Variants in RLF observed in about 807,000 individuals in gnomAD.
The protein encoded by RLF is RLF zinc finger.
Under a neutral mutation model 162.9 loss-of-function variants are expected in RLF, and 7 were observed. The observed-to-expected ratio is 0.04, with a 90% confidence interval of 0.02 to 0.08. RLF has a LOEUF of 0.08. Ranked by LOEUF, RLF falls within the 10% of genes least tolerant of loss-of-function variation. RLF has a pLI of 1.00. For synonymous variants in RLF, 782 were observed against 791.5 expected (o/e 0.99, Z 0.20); for missense variants, 1,664 against 2,244.7 (o/e 0.74, Z 5.23).
At chr1:40,230,453 A>T (rs1643138244) in intron 6 of RLF, among the ~76,000 whole-genome samples, 2 of 151,976 alleles carry the variant, frequency 1.3e-5, no homozygotes, top group Non-Finnish European at 1.5e-5. Flanking sequence ...TTTTTTTGAG[A>T]TGGAGTCTTG....
intron 5 of RLF, among the ~76,000 whole-genome samples, chr1:40,212,068 T>TA (rs1363890882): frequency 6.6e-6 from 1 of 152,266 alleles, no homozygotes; most frequent in African/African-American, 2.4e-5. Context: ...GCATACGTTC[T>TA]AAAGTAGCAG....
At chr1:40,178,739 G>A (rs1642366522) in intron 1 of RLF, among the ~76,000 whole-genome samples, 1 of 149,954 alleles carries the variant, frequency 6.7e-6, no homozygotes, top group Non-Finnish European at 1.5e-5. Flanking sequence ...GCCCAGGCTG[G>A]TCTCAAACTC....
At chr1:40,174,197 C>T (rs1013328052) in intron 1 of RLF, among the ~76,000 whole-genome samples, 1 of 151,948 alleles carries the variant, frequency 6.6e-6, no homozygotes, top group East Asian at 1.9e-4. Context: ...ATGGTAAAAC[C>T]CTGTCTCTAC....
At position 40,190,833 on chromosome 1, in the gene RLF, C is replaced by T. The variant is rs778455045; in HGVS notation, c.454C>T (p.Pro152Ser). The change falls in exon 3 of 8, where the codon CCA (proline) becomes TCA (serine). Residue 152 changes from proline (P) to serine (S), a missense_variant. Physicochemically the swap from Pro to Ser is moderately conservative, Grantham distance 74. Coordinates refer to ENST00000372771, the MANE Select transcript of RLF (RefSeq NM_012421.4). ...ESELPCEVWL[P>S]FLQSLQESHD... ...TGAACTGCCATGTGAAGTCTGGCTA[C>T]CATTCCTTCAGTCTCTACAGGTGAG... 2 of 1,612,714 alleles carry T rather than the reference C, an allele frequency of 1.2e-6. No individual in the cohort carries two copies. The highest frequency in any genetic ancestry group is 1.7e-5 in the Admixed American group (1 of 59,928).
chr1:40,168,989 G>A (rs1385588509), intron 1 of RLF, among the ~76,000 whole-genome samples: 1 of 151,716 alleles, frequency 6.6e-6, no homozygotes, highest in African/African-American at 2.4e-5. Flanking sequence ...GCAAAACTCC[G>A]TCTCAAAAAA....
chr1:40,217,011 T>C (rs1301746008), intron 5 of RLF, among the ~76,000 whole-genome samples: 1 of 152,180 alleles, frequency 6.6e-6, no homozygotes. Flanking sequence ...ATCGTGCCAC[T>C]GCACTCCAAC....
chr1:40,184,280 G>A (rs1265213815), intron 1 of RLF, among the ~76,000 whole-genome samples: 1 of 152,140 alleles, frequency 6.6e-6, no homozygotes, highest in Non-Finnish European at 1.5e-5. Flanking sequence ...AGACATACGT[G>A]ATTATAACAC....
chr1:40,201,744 A>G (rs976080148), intron 4 of RLF, among the ~76,000 whole-genome samples: 2 of 152,012 alleles, frequency 1.3e-5, no homozygotes, highest in Non-Finnish European at 2.9e-5. Context: ...TGAAGCTTTC[A>G]GAGTAGCATT....
intron 1 of RLF, among the ~76,000 whole-genome samples, chr1:40,182,498 G>A (rs965570092): frequency 3.3e-5 from 5 of 152,112 alleles, no homozygotes; most frequent in Admixed American, 6.6e-5. Flanking sequence ...GTTAATAGTG[G>A]TCTGTTTCTG....
At chr1:40,221,209 C>G (rs185113264) in intron 5 of RLF, among the ~76,000 whole-genome samples, 39 of 151,362 alleles carry the variant, frequency 2.6e-4, no homozygotes, top group African/African-American at 9.0e-4. Context: ...AATAAATAGC[C>G]CAATTTAAAC....
At chr1:40,217,818 C>G (rs1388761982) in intron 5 of RLF, among the ~76,000 whole-genome samples, 2 of 152,008 alleles carry the variant, frequency 1.3e-5, no homozygotes, top group African/African-American at 4.8e-5. Flanking sequence ...ACTTAAGTCA[C>G]AACATAGCAT....
chr1:40,182,449 A>T (rs79091686), intron 1 of RLF, among the ~76,000 whole-genome samples: 7,886 of 152,060 alleles, frequency 0.052, 587 homozygotes, highest in African/African-American at 0.17. Flanking sequence ...AAAAGAAAAG[A>T]AAAGTAAAGG....
chr1:40,227,621 T>A (rs1643095075), intron 6 of RLF, among the ~76,000 whole-genome samples: 1 of 152,218 alleles, frequency 6.6e-6, no homozygotes, highest in Admixed American at 6.5e-5. Context: ...CCATTTTTGA[T>A]CATGCTTATT....
intron 1 of RLF, chr1:40,177,716 T>TA (rs1642346597): frequency 6.6e-6 from 1 of 152,176 alleles, no homozygotes; most frequent in African/African-American, 2.4e-5. Context: ...GGAGATTGTA[T>TA]AGTTTTAGGT....
intron 6 of RLF, among the ~76,000 whole-genome samples, chr1:40,227,279 A>G (rs1643090008): frequency 6.6e-6 from 1 of 152,222 alleles, no homozygotes; most frequent in Admixed American, 6.5e-5. Flanking sequence ...GGTACAGTAC[A>G]TCATCTGAAC....
At position 40,239,019 on chromosome 1, in the gene RLF, T is replaced by C. The variant is rs770272626; in HGVS notation, c.4317T>C (p.His1439=). The C allele has an allele frequency of 1.2e-6, 2 of 1,614,212 alleles. No homozygotes were observed. The stretch of plus-strand genomic sequence containing the variant: ...AGCATAATATTGAAGGGGAAATACA[T>C]TCAGATTATGAAATTCATTGTGATC... ...MEQHNIEGEI[H]SDYEIHCDLN... The change falls in exon 8 of 8, where the codon CAT becomes CAC. Residue 1439 remains histidine, a synonymous_variant. Transcript: ENST00000372771.
chr1:40,163,420 G>A (rs903705195), intron 1 of RLF, among the ~76,000 whole-genome samples: 1 of 152,192 alleles, frequency 6.6e-6, no homozygotes, highest in African/African-American at 2.4e-5. Flanking sequence ...AATGTAACCA[G>A]TCACATTGAA....
At chr1:40,170,107 T>G (rs1441211244) in intron 1 of RLF, among the ~76,000 whole-genome samples, 1 of 152,172 alleles carries the variant, frequency 6.6e-6, no homozygotes, top group Non-Finnish European at 1.5e-5. Context: ...TTCTAAAGCC[T>G]TTATCAGCTC....
chr1:40,238,935 G>A lies in RLF; in HGVS notation c.4233G>A (p.Gln1411=). 1.2e-6 allele frequency: 2 copies of A among 1,614,192 alleles called. No individual in the cohort carries two copies. Among genetic ancestry groups the A allele is most frequent in the Non-Finnish European group, 1.7e-6 (2 of 1,180,024 alleles). ...CTGCAGCAAGGTTTTCTTGTAACCAGCCTCAGTGCCCTGCTGTTTTTTATA... is the reference window on the plus strand; with the variant it reads ...CTGCAGCAAGGTTTTCTTGTAACCAACCTCAGTGCCCTGCTGTTTTTTATA... ...AGSAARFSCN[Q]PQCPAVFYTF... is the part of the protein sequence containing the mutation. The change falls in exon 8 of 8, where the codon CAG becomes CAA. Residue 1411 remains glutamine (Q), a synonymous_variant. Coordinates refer to ENST00000372771, the MANE Select transcript of RLF (RefSeq NM_012421.4). This position sits in a 1 kb window ranked among gnomAD's most constrained non-coding sequence, Gnocchi z 5.2.
Sources: gnomAD v4.1 joint callset for allele counts (sites outside exome capture counted in the v4.1 genomes callset) on GRCh38, gnomAD v4.1.1 for gene constraint, Gnocchi (gnomAD v3.1) non-coding constraint, MANE v1.5 for transcripts, NCBI Gene and HGNC (gene_info 2026-07-23, HGNC 2026-07-21) for gene names.